The following PIGN variants were observed in gnomAD, a reference collection of about 807,000 sequenced individuals.
PIGN encodes GPI ethanolamine phosphate transferase 1.
A neutral mutation model predicts 125.4 loss-of-function variants in PIGN; 117 were observed. The ratio of observed to expected loss-of-function variants is 0.93; its 90% CI spans 0.80 to 1.09. The LOEUF is 1.09. Among genes scored for constraint, PIGN ranks in the 50% least tolerant of loss-of-function variants. PIGN has a pLI of 0.00. For missense variants in PIGN, 1,075 were observed against 1,094.9 expected (o/e 0.98, Z 0.26); for synonymous variants, 392 against 377.8 (o/e 1.04, Z -0.44).
rs144304758 is a variant in PIGN, at chr18:62,154,566, C to T, written c.528G>A (p.Thr176=). The change falls in exon 7 of 31, where the codon ACG becomes ACA. Residue 176 remains threonine (T), a synonymous_variant. Transcript: ENST00000640252. ...FGAQDATKLD[T]WVFDNVKDFF... is the part of the protein sequence containing the mutation. ...AAACCTTAACATTATCAAAAACCCA[C>T]GTATCCAGTTTTGTTGCATCTTGAG... is the stretch of plus-strand genomic sequence containing the variant. The T allele has an allele frequency of 5.4e-4, 843 of 1,550,590 alleles. 7 individuals carry two copies. The African/African-American group carries it at 9.8e-3, about 18-fold the overall frequency.
At chr18:62,145,017 G>C (rs199640537) in intron 10 of PIGN, among the ~76,000 whole-genome samples, 7 of 130,256 alleles carry the variant, frequency 5.4e-5, no homozygotes, top group Admixed American at 4.0e-4. Context: ...GCGGGGGGGG[G>C]GGGGCAGGGT....
intron 23 of PIGN, among the ~76,000 whole-genome samples, chr18:62,033,186 G>A (rs750455275): frequency 3.9e-5 from 6 of 152,168 alleles, no homozygotes; most frequent in Admixed American, 3.9e-4. Flanking sequence ...TCTATAGTGG[G>A]AGGCAGAGCA....
At chr18:62,055,893 G>A (rs1028521394) in intron 30 of PIGN, among the ~76,000 whole-genome samples, 5 of 151,242 alleles carry the variant, frequency 3.3e-5, no homozygotes, top group Admixed American at 6.6e-5. Flanking sequence ...AACGTCTCAT[G>A]CAAGGTCTTA....
chr18:62,102,715 T>C, intron 21 of PIGN, 79 bp downstream of exon 21: 2 of 658,222 alleles, frequency 3.0e-6, no homozygotes, highest in South Asian at 2.2e-5. Context: ...TGGCATTTTA[T>C]GAACATAATT....
At chr18:62,168,972 T>C (rs752435975) in intron 1 of PIGN, among the ~76,000 whole-genome samples, 8 of 151,784 alleles carry the variant, frequency 5.3e-5, no homozygotes, top group Non-Finnish European at 1.2e-4. Flanking sequence ...TCTCATGCCT[T>C]AGCCACCTGA....
Position 62,075,235 on chromosome 18 carries a change from T to A in PIGN, c.2577-414A>T, listed in dbSNP as rs550389589. ...GACAATGACACTGATACTGTCAAGG[T>A]AAAGAGTGTTCCCATCAGCACAAAG... On this transcript the variant is annotated intron_variant, in intron 28 of 30. Coordinates refer to ENST00000640252, the MANE Select transcript of PIGN (RefSeq NM_176787.5). 10 of 158,588 alleles carry A rather than the reference T, an allele frequency of 6.3e-5. 1 individual carries two copies. In the South Asian group the frequency reaches 1.7e-3, roughly 27 times the overall value. 9.8% of individuals were successfully genotyped at this position (158,588 alleles called of 1,614,324 possible). A position where few individuals can be genotyped will look rare whatever the true frequency, so the allele number is the denominator to read the frequency against.
rs995536914 is a variant in PIGN at position 62,045,441 on chromosome 18, G to C, written c.*415C>G. On this transcript the variant is annotated 3_prime_UTR_variant, in exon 31 of 31. Coordinates refer to ENST00000640252, the MANE Select transcript of PIGN (RefSeq NM_176787.5). Reference sequence around the variant, plus strand: ...CTGATAAATATTGACGGTGGCACCTGGTGATTTCCTTCCAGCTCAGCCACA... The same window carrying C: ...CTGATAAATATTGACGGTGGCACCTCGTGATTTCCTTCCAGCTCAGCCACA... 46 of 153,606 alleles carry C rather than the reference G, an allele frequency of 3.0e-4. No individual in the cohort carries two copies. Among genetic ancestry groups the C allele is most frequent in the African/African-American group, 9.9e-4 (41 of 41,470 alleles). 9.5% of individuals were successfully genotyped at this position (153,606 alleles called of 1,614,324 possible).
intron 30 of PIGN, among the ~76,000 whole-genome samples, chr18:62,071,893 T>TATATATATATATAC (rs2032889254): frequency 7.5e-6 from 1 of 133,336 alleles, no homozygotes; most frequent in African/African-American, 2.9e-5. Context: ...TATATATATA[T>TATATATATATATAC]ATATATATAT....
intron 14 of PIGN, among the ~76,000 whole-genome samples, chr18:62,132,285 T>C (rs1209796660): frequency 6.6e-6 from 1 of 152,220 alleles, no homozygotes; most frequent in Non-Finnish European, 1.5e-5. Context: ...TAAATGGTGA[T>C]AACTGTTTTT....
chr18:62,037,852 G>C (rs1437431850), downstream of PIGN, among the ~76,000 whole-genome samples: 2 of 152,186 alleles, frequency 1.3e-5, no homozygotes, highest in Non-Finnish European at 2.9e-5. Flanking sequence ...TAGCACTAGT[G>C]GTTGCAATAA....
intron 7 of PIGN, among the ~76,000 whole-genome samples, chr18:62,152,325 A>T (rs1346548250): frequency 6.6e-6 from 1 of 151,708 alleles, no homozygotes; most frequent in Non-Finnish European, 1.5e-5. Flanking sequence ...TTATACTTTA[A>T]GTTTTAGGGT....
At chr18:62,062,354 A>G (rs1044157206) in intron 30 of PIGN, among the ~76,000 whole-genome samples, 1 of 152,236 alleles carries the variant, frequency 6.6e-6, no homozygotes, top group African/African-American at 2.4e-5. Context: ...AGCCTGATGA[A>G]GACAGATCTA....
chr18:62,066,458 T>C (rs897666372), intron 30 of PIGN, among the ~76,000 whole-genome samples: 1 of 152,224 alleles, frequency 6.6e-6, no homozygotes, highest in East Asian at 1.9e-4. Flanking sequence ...TAGAAGATAA[T>C]GTAAATAGAG....
Position 62,107,175 on chromosome 18 carries a change from T to G in PIGN, c.1575-90A>C, listed in dbSNP as rs1560504. 0.2 allele frequency: 158,007 copies of G among 785,410 alleles called. 18,750 individuals are homozygous for G. Among genetic ancestry groups the G allele is most frequent in the Non-Finnish European group, 0.25 (114,585 of 463,706 alleles). 48.7% of individuals were successfully genotyped at this position (785,410 alleles called of 1,614,324 possible). The stretch of plus-strand genomic sequence containing the variant: ...CTTTGCACAAAGCTAAAACACTACA[T>G]AATTTTCCATTTATAGATTATTCAA... On this transcript the variant is annotated intron_variant, in intron 17 of 30. Coordinates refer to ENST00000640252, the MANE Select transcript of PIGN (RefSeq NM_176787.5).
intron 14 of PIGN, among the ~76,000 whole-genome samples, chr18:62,117,977 T>G (rs1304194723): frequency 1.3e-5 from 2 of 152,092 alleles, no homozygotes; most frequent in African/African-American, 4.8e-5. Context: ...TATCCCTTAA[T>G]CCACTGATGG....
intron 30 of PIGN, among the ~76,000 whole-genome samples, chr18:62,049,430 G>C (rs2031056900): frequency 6.6e-6 from 1 of 150,994 alleles, no homozygotes; most frequent in Non-Finnish European, 1.5e-5. Flanking sequence ...TTGTGGTTTT[G>C]ATTTGCATTT....
At chr18:62,154,010 A>G (rs1288133808) in intron 7 of PIGN, 1 of 152,480 alleles carries the variant, frequency 6.6e-6, no homozygotes, top group Non-Finnish European at 1.5e-5. Flanking sequence ...ATTCCTCATG[A>G]AACTATGATA....
chr18:62,148,769 A>C (rs1371124476), intron 7 of PIGN, among the ~76,000 whole-genome samples: 2 of 152,138 alleles, frequency 1.3e-5, no homozygotes, highest in Non-Finnish European at 2.9e-5. Context: ...CTATCAACCT[A>C]GTCCAACCGT....
chr18:62,161,469 T>A, intron 3 of PIGN, 84 bp from the exon 4 acceptor site: 1 of 613,984 alleles, frequency 1.6e-6, no homozygotes, highest in Non-Finnish European at 2.8e-6. Context: ...CACAAGTAGA[T>A]GAAACATATA....
Sources: allele counts gnomAD v4.1 joint callset (sites outside exome capture counted in the v4.1 genomes callset), GRCh38; gene constraint gnomAD v4.1.1; transcripts MANE v1.5; gene names NCBI Gene and HGNC (gene_info 2026-07-23, HGNC 2026-07-21).